Variants in DNAH12 observed in about 807,000 individuals in gnomAD.
DNAH12 encodes axonemal beta dynein heavy chain 12.
A neutral mutation model predicts 371.5 loss-of-function variants in DNAH12; 285 were observed. The observed-to-expected ratio is 0.77, with a 90% CI of 0.70 to 0.85. The LOEUF (loss-of-function observed/expected upper bound fraction) is 0.85, where lower values mean the gene tolerates loss of function less well. Ranked by LOEUF, DNAH12 falls within the 40% of genes least tolerant of loss-of-function variation. The probability of loss-of-function intolerance (pLI) is 0.00; values close to 1 mark genes in which losing one functional copy is unlikely to be tolerated. For missense variants in DNAH12, 3,611 were observed against 3,689.4 expected (o/e 0.98, Z 0.55); for synonymous variants, 1,200 against 1,213.0 (o/e 0.99, Z 0.22).
At chr3:57,431,609 T>C (rs764276499) in intron 32 of DNAH12, among the ~76,000 whole-genome samples, 58 of 152,216 alleles carry the variant, frequency 3.8e-4, no homozygotes, top group Non-Finnish European at 6.8e-4. Context: ...TATGGTCTAA[T>C]GCTTCTACCA....
intron 60 of DNAH12, among the ~76,000 whole-genome samples, chr3:57,347,494 TAAC>T (rs1262652319): frequency 6.6e-6 from 1 of 152,154 alleles, no homozygotes; most frequent in African/African-American, 2.4e-5. Flanking sequence ...GGCAGGCAGA[TAAC>T]TTGAGGTCAG....
At chr3:57,336,800 T>C (rs1351455012) in intron 60 of DNAH12, among the ~76,000 whole-genome samples, 1 of 152,242 alleles carries the variant, frequency 6.6e-6, no homozygotes, top group Non-Finnish European at 1.5e-5. Context: ...TTTTCTTAGA[T>C]GCATCAGAGG....
At chr3:57,498,255 T>C in intron 11 of DNAH12, 1 of 449,008 alleles carries the variant, frequency 2.2e-6, no homozygotes, top group South Asian at 4.9e-5. Context: ...GTGGAAGAAC[T>C]GGAAATCTCA....
In DNAH12 at chr3:57,461,678, T is replaced by A; in HGVS notation, c.2547A>T (p.Leu849Phe). 1 of 1,550,458 alleles carries A rather than the reference T, an allele frequency of 6.4e-7. No homozygotes were observed. The highest frequency in any genetic ancestry group is 8.7e-7 in the Non-Finnish European group (1 of 1,146,692). ...ISAGASKEFS[L>F]EKAMNTMIGT... ...CTATCATTGTATTCATGGCTTTCTC[T>A]AATGAAAATTCCTAAAACGGAGGAA... The change falls in exon 19 of 74, where the codon TTA becomes TTT. Residue 849 changes from leucine to phenylalanine, a missense_variant. Leu to Phe is a conservative substitution (Grantham distance 22, BLOSUM62 0). Transcript: ENST00000495027.
intron 70 of DNAH12, among the ~76,000 whole-genome samples, chr3:57,298,031 C>T (rs932333298): frequency 6.6e-6 from 1 of 152,202 alleles, no homozygotes; most frequent in African/African-American, 2.4e-5. Context: ...TTCAGGCATC[C>T]TGCATTCTAA....
At chr3:57,555,256 AT>A in the DNAH12 span, among the ~76,000 whole-genome samples, 1 of 152,200 alleles carries the variant, frequency 6.6e-6, no homozygotes, top group East Asian at 1.9e-4. Context: ...AAATAAAAAA[AT>A]AAAATAAACA....
chr3:57,521,849 T>C (rs991518109), intron 4 of DNAH12, among the ~76,000 whole-genome samples: 1 of 152,014 alleles, frequency 6.6e-6, no homozygotes. Flanking sequence ...ATCGCACCAC[T>C]GCACGCCAGC....
chr3:57,322,080 A>G (rs2061818462), intron 65 of DNAH12, among the ~76,000 whole-genome samples: 1 of 152,190 alleles, frequency 6.6e-6, no homozygotes, highest in African/African-American at 2.4e-5. Flanking sequence ...AATCAAAAAC[A>G]TTACTGGGCT....
At chr3:57,311,019 T>G in intron 66 of DNAH12, 69 bp from the exon 67 acceptor site, 1 of 1,041,768 alleles carries the variant, frequency 9.6e-7, no homozygotes, top group South Asian at 1.5e-5. Context: ...TTTAAGTATG[T>G]ATCTATCTAT....
intron 29 of DNAH12, among the ~76,000 whole-genome samples, chr3:57,441,420 CTA>C (rs962844725): frequency 1.3e-5 from 2 of 151,986 alleles, no homozygotes; most frequent in African/African-American, 4.8e-5. Context: ...ACACATGAAA[CTA>C]TATAGAATGG....
intron 25 of DNAH12, among the ~76,000 whole-genome samples, chr3:57,448,885 G>C (rs1214288108): frequency 1.3e-5 from 2 of 149,052 alleles, no homozygotes; most frequent in Admixed American, 6.7e-5. Context: ...ACAGGGTGCT[G>C]ATTGGTGTGT....
chr3:57,335,588 CT>C (rs2062203928), intron 60 of DNAH12, among the ~76,000 whole-genome samples: 1 of 152,190 alleles, frequency 6.6e-6, no homozygotes, highest in Admixed American at 6.5e-5. Context: ...CAGCATATTA[CT>C]GTACTGAATA....
intron 12 of DNAH12, among the ~76,000 whole-genome samples, chr3:57,489,290 T>A (rs1452698003): frequency 2.0e-5 from 3 of 152,108 alleles, no homozygotes; most frequent in Admixed American, 1.3e-4. Flanking sequence ...ATTTCTTTTT[T>A]AAAAAAATCC....
At chr3:57,339,239 C>A (rs932885848) in intron 60 of DNAH12, among the ~76,000 whole-genome samples, 3 of 152,070 alleles carry the variant, frequency 2.0e-5, no homozygotes, top group Non-Finnish European at 4.4e-5. Flanking sequence ...ACAAACACTG[C>A]GGAAGGCCGC....
intron 2 of DNAH12, among the ~76,000 whole-genome samples, chr3:57,525,192 GGGTGTCCACT>G (rs2068600049): frequency 6.7e-6 from 1 of 149,194 alleles, no homozygotes; most frequent in Non-Finnish European, 1.5e-5. Flanking sequence ...CTGAAGGAAA[GGGTGTCCACT>G]GGAGCTATAA....
chr3:57,486,376 C>T (rs1402814301), intron 12 of DNAH12, among the ~76,000 whole-genome samples: 4 of 150,668 alleles, frequency 2.7e-5, no homozygotes, highest in Admixed American at 6.6e-5. Context: ...TTGAAATCAG[C>T]CTACGCAACA....
intron 58 of DNAH12, among the ~76,000 whole-genome samples, chr3:57,358,135 G>C (rs1559585210): frequency 6.6e-6 from 1 of 152,146 alleles, no homozygotes; most frequent in South Asian, 2.1e-4. Context: ...AATCCTGTTT[G>C]TTGCTAATTT....
At chr3:57,375,684 A>C (rs932174894) in intron 54 of DNAH12, 134 bp downstream of exon 54, 1 of 152,172 alleles carries the variant, frequency 6.6e-6, no homozygotes, top group Admixed American at 6.6e-5. Flanking sequence ...ATGAAACAAG[A>C]AGCAAAAAAA....
chr3:57,505,720 T>G (rs2067732842), intron 8 of DNAH12, among the ~76,000 whole-genome samples: 1 of 151,954 alleles, frequency 6.6e-6, no homozygotes, highest in Admixed American at 6.6e-5. Flanking sequence ...GGATTACAGA[T>G]GTGAGCCACT....
Sources: allele counts gnomAD v4.1 joint callset (sites outside exome capture counted in the v4.1 genomes callset), GRCh38; gene constraint gnomAD v4.1.1; transcripts MANE v1.5; gene names NCBI Gene and HGNC (gene_info 2026-07-23, HGNC 2026-07-21).